ASXL2: variants seen among roughly 807,000 people sequenced by gnomAD.
The protein encoded by ASXL2 is putative Polycomb group protein ASXL2.
In ASXL2, 23 loss-of-function variants were observed where a neutral mutation model predicts 122.0. The ratio of observed to expected loss-of-function variants is 0.19; its 90% CI spans 0.14 to 0.27. ASXL2 has a LOEUF of 0.27. Ranked by LOEUF, ASXL2 falls within the 10% of genes least tolerant of loss-of-function variation. The pLI is 1.00. For synonymous variants in ASXL2, 650 were observed against 637.0 expected (o/e 1.02, Z -0.31); for missense variants, 1,518 against 1,713.8 (o/e 0.89, Z 2.02).
At chr2:25,816,923 G>A (rs537073585) in intron 3 of ASXL2, among the ~76,000 whole-genome samples, 3 of 152,276 alleles carry the variant, frequency 2.0e-5, no homozygotes, top group Admixed American at 1.3e-4. Flanking sequence ...TCTGATGTTC[G>A]AGGCCAGCCT....
intron 9 of ASXL2, 59 bp downstream of exon 9, chr2:25,759,423 C>T: frequency 6.7e-7 from 1 of 1,499,226 alleles, no homozygotes; most frequent in Non-Finnish European, 9.1e-7. Context: ...CCATTAATAC[C>T]ACTTTACAAG....
At chr2:25,835,135 T>C (rs904186501) in intron 3 of ASXL2, among the ~76,000 whole-genome samples, 15 of 152,130 alleles carry the variant, frequency 9.9e-5, no homozygotes, top group African/African-American at 3.6e-4. Context: ...GATTTACCAA[T>C]ATTTTATCTA....
intron 1 of ASXL2, among the ~76,000 whole-genome samples, chr2:25,871,613 CAG>C (rs201713768): frequency 0.013 from 2,038 of 152,240 alleles, 22 homozygotes; most frequent in Non-Finnish European, 0.02. Flanking sequence ...GTTTTTGAGA[CAG>C]AGTTTCACTC....
intron 3 of ASXL2, among the ~76,000 whole-genome samples, chr2:25,815,987 T>C (rs2089228204): frequency 6.6e-6 from 1 of 152,212 alleles, no homozygotes; most frequent in African/African-American, 2.4e-5. Context: ...ATTACCCTTA[T>C]GCATCAATAA....
chr2:25,869,352 T>C (rs1457077479), intron 1 of ASXL2, among the ~76,000 whole-genome samples: 1 of 150,982 alleles, frequency 6.6e-6, no homozygotes, highest in African/African-American at 2.4e-5. Context: ...AGAAAAAGAA[T>C]GTTCTCTTTA....
intron 5 of ASXL2, among the ~76,000 whole-genome samples, chr2:25,796,414 A>G (rs2088911653): frequency 6.6e-6 from 1 of 152,222 alleles, no homozygotes; most frequent in Admixed American, 6.5e-5. Context: ...TTGCCTTGCC[A>G]TGTACAGCTA....
intron 1 of ASXL2, among the ~76,000 whole-genome samples, chr2:25,872,692 T>G (rs998159723): frequency 7.9e-5 from 12 of 152,192 alleles, no homozygotes; most frequent in African/African-American, 2.4e-4. Context: ...GAGATTATTT[T>G]CCATAGCTTT....
At chr2:25,808,135 C>T (rs1278739613) in intron 3 of ASXL2, among the ~76,000 whole-genome samples, 5 of 151,978 alleles carry the variant, frequency 3.3e-5, no homozygotes, top group Non-Finnish European at 5.9e-5. Flanking sequence ...ACGGAATCTT[C>T]AGAAAGGGAT....
At chr2:25,785,311 C>T (rs1404747579) in intron 5 of ASXL2, among the ~76,000 whole-genome samples, 3 of 152,080 alleles carry the variant, frequency 2.0e-5, no homozygotes, top group East Asian at 1.9e-4. Context: ...CTGCAACCTG[C>T]GCCTCCCAGC....
At position 25,750,479 on chromosome 2, in the gene ASXL2, T is replaced by C. The variant is rs192641263; in HGVS notation, c.1143-66A>G. 275 of 1,376,030 alleles carry C rather than the reference T, an allele frequency of 2.0e-4. 2 individuals carry two copies. In the African/African-American group the frequency reaches 3.3e-3, roughly 16 times the overall value. 85.2% of individuals were successfully genotyped at this position (1,376,030 alleles called of 1,614,324 possible). ...CCCATGTTGCGAAAGCATTCATTAA[T>C]AGAGATAATGGAAGATGACAATGCC... On this transcript the variant is annotated intron_variant, in intron 11 of 12. Transcript: ENST00000435504.
intron 5 of ASXL2, among the ~76,000 whole-genome samples, chr2:25,790,259 T>A (rs372061652): frequency 4.4e-5 from 6 of 135,450 alleles, no homozygotes; most frequent in African/African-American, 1.7e-4. Flanking sequence ...TCCTTGATGA[T>A]GAATAATTTG....
intron 5 of ASXL2, among the ~76,000 whole-genome samples, chr2:25,786,127 A>G (rs2149164387): frequency 6.6e-6 from 1 of 152,340 alleles, no homozygotes; most frequent in South Asian, 2.1e-4. Flanking sequence ...AAGGAAAAGC[A>G]ACTGATAAAA....
At chr2:25,800,029 C>A (rs951455424) in intron 4 of ASXL2, among the ~76,000 whole-genome samples, 1 of 149,648 alleles carries the variant, frequency 6.7e-6, no homozygotes, top group African/African-American at 2.5e-5. Flanking sequence ...CATGGTGGAA[C>A]GAACACTCCT....
At chr2:25,785,987 G>A (rs1574415884) in intron 5 of ASXL2, among the ~76,000 whole-genome samples, 2 of 152,210 alleles carry the variant, frequency 1.3e-5, no homozygotes, top group South Asian at 2.1e-4. Context: ...CAAACTATGA[G>A]CAAATAAAAT....
chr2:25,749,719 C>T lies in ASXL2; in HGVS notation c.1837G>A (p.Val613Met), dbSNP rs758640425. The T allele has an allele frequency of 6.5e-7, 1 of 1,530,022 alleles. No individual in the cohort carries two copies. The highest frequency in any genetic ancestry group is 1.3e-5 in the South Asian group (1 of 75,426). The allele number at this position is 1,530,022 out of a possible 1,614,324, so 94.8% of individuals were successfully genotyped here. A position where few individuals can be genotyped will look rare whatever the true frequency, so the allele number is the denominator to read the frequency against. ...PFLNRGDRIQ[V>M]RKVPPLKIPV... is the part of the protein sequence containing the mutation. The stretch of plus-strand genomic sequence containing the variant: ...ACCTTGAGAGGTGGTACTTTTCGCA[C>T]CTGGATTCTGTCCCCTCTATTGAGA... Residue 613 changes from valine to methionine, a missense_variant, in exon 12 of 13, where the codon GTG (valine) becomes ATG (methionine). By Grantham distance (21) the Val-to-Met change is conservative. Coordinates refer to ENST00000435504, the MANE Select transcript of ASXL2 (RefSeq NM_018263.6).
rs1473738641 is a variant in ASXL2 at position 25,744,495 on chromosome 2, A to G, written c.1861-19T>C. ...CCGGGATCTGAAAGAAGTAGAGGGGAAAAAAACAACAGAGCTTAGTTTTCA... is the reference window on the plus strand; with the variant it reads ...CCGGGATCTGAAAGAAGTAGAGGGGGAAAAAACAACAGAGCTTAGTTTTCA... On this transcript the variant is annotated intron_variant, in intron 12 of 12. Coordinates refer to ENST00000435504, the MANE Select transcript of ASXL2 (RefSeq NM_018263.6). This position sits in a 1 kb window ranked among gnomAD's most constrained non-coding sequence, Gnocchi z 4.7. 1.3e-6 allele frequency: 2 copies of G among 1,567,406 alleles called. No homozygotes were observed. The highest frequency in any genetic ancestry group is 2.1e-5 in the Admixed American group (1 of 48,082).
At chr2:25,776,265 A>C (rs796290380) in intron 5 of ASXL2, among the ~76,000 whole-genome samples, 3 of 152,324 alleles carry the variant, frequency 2.0e-5, no homozygotes, top group African/African-American at 7.2e-5. Flanking sequence ...ATCATACATT[A>C]GTGCTCGTTT....
At chr2:25,770,520 C>G (rs987052388) in intron 6 of ASXL2, among the ~76,000 whole-genome samples, 1 of 151,972 alleles carries the variant, frequency 6.6e-6, no homozygotes, top group Non-Finnish European at 1.5e-5. Context: ...TTTGGAAGGT[C>G]GAGGCAGTTG....
chr2:25,858,403 A>G (rs2089804920), intron 1 of ASXL2, among the ~76,000 whole-genome samples: 1 of 148,734 alleles, frequency 6.7e-6, no homozygotes, highest in Non-Finnish European at 1.5e-5. Context: ...CCTCATCTCC[A>G]TTGTGTCTAC....
Sources: gnomAD v4.1 joint callset for allele counts (sites outside exome capture counted in the v4.1 genomes callset) on GRCh38, gnomAD v4.1.1 for gene constraint, Gnocchi (gnomAD v3.1) non-coding constraint, MANE v1.5 for transcripts, NCBI Gene and HGNC (gene_info 2026-07-23, HGNC 2026-07-21) for gene names.